Variants in POLRMT observed in about 807,000 individuals in gnomAD.
POLRMT encodes RNA polymerase mitochondrial, also known as DNA-directed RNA polymerase, mitochondrial.
In POLRMT, 114 loss-of-function variants were observed where a neutral mutation model predicts 132.2. The observed-to-expected ratio is 0.86, with a 90% confidence interval of 0.74 to 1.01. POLRMT has a LOEUF of 1.01. Among genes scored for constraint, POLRMT ranks in the 50% least tolerant of loss-of-function variants. POLRMT has a pLI of 0.00. For synonymous variants in POLRMT, 1,020 were observed against 773.4 expected, an observed-to-expected ratio of 1.32 and a Z score of -5.29; for missense variants, 2,003 against 1,729.1, an observed-to-expected ratio of 1.16 and a Z score of -2.81.
At chr19:633,062 G>C in intron 1 of POLRMT, 124 bp from the exon 2 acceptor site, 1 of 725,192 alleles carries the variant, frequency 1.4e-6, no homozygotes, top group Non-Finnish European at 2.1e-6. Flanking sequence ...TCGGAGCACG[G>C]GCTTAAGTTG....
At chr19:632,536 C>G (rs1859268) in intron 2 of POLRMT, among the ~76,000 whole-genome samples, 19,986 of 69,490 alleles carry the variant, frequency 0.29, 1,574 homozygotes, top group African/African-American at 0.44. Flanking sequence ...GCGGCGGGGC[C>G]GGGGGGGGGG....
At chr19:633,354 A>AG in intron 1 of POLRMT, 71 bp downstream of exon 1, 4 of 1,387,400 alleles carry the variant, frequency 2.9e-6, no homozygotes, top group Non-Finnish European at 3.8e-6. Context: ...AAAGCGCCAA[A>AG]GGCCCCGGCC....
Position 629,520 on chromosome 19 carries a change from C to T in POLRMT, c.822+20G>A, listed in dbSNP as rs755937790. 8.7e-6 allele frequency: 13 copies of T among 1,491,426 alleles called. No homozygotes were observed. The highest frequency in any genetic ancestry group is 4.2e-5 in the South Asian group (3 of 71,546). The allele number at this position is 1,491,426 out of a possible 1,614,324, so 92.4% of individuals were successfully genotyped here. On this transcript the variant is annotated intron_variant, in intron 3 of 20. Transcript: ENST00000588649. The stretch of plus-strand genomic sequence containing the variant: ...TCTCCAACGACCAGGGCAGGTGGCC[C>T]GGCTCCCGGCTGCACTCACCTGCCG...
At chr19:621,002 C>T (rs1317386652) in intron 10 of POLRMT, 56 bp downstream of exon 10, 6 of 817,878 alleles carry the variant, frequency 7.3e-6, no homozygotes, top group Admixed American at 1.2e-4. Context: ...GCGGGGGCGC[C>T]GGGGGAGGGC....
chr19:625,389 G>A, intron 3 of POLRMT, 135 bp from the exon 4 acceptor site: 2 of 1,138,722 alleles, frequency 1.8e-6, no homozygotes, highest in Non-Finnish European at 2.5e-6. Context: ...GGCCAGCTGG[G>A]CAGACCGATG....
Position 617,793 on chromosome 19 carries a change from A to G in POLRMT, c.3479T>C (p.Val1160Ala), listed in dbSNP as rs757206165. 9.9e-6 allele frequency: 16 copies of G among 1,613,208 alleles called. No homozygotes were observed. In the South Asian group the frequency reaches 1.8e-4, roughly 18 times the overall value. ...HDCYWTHAAD[V>A]SVMNQVCREQ... ...CGGGGGCACCTGGTTCATGACGGAG[A>G]CATCAGCTGCGTGAGTCCAGTAACA... The change falls in exon 18 of 21, where the codon GTC becomes GCC. Residue 1160 changes from valine to alanine, a missense_variant. Coordinates refer to ENST00000588649, the MANE Select transcript of POLRMT (RefSeq NM_005035.4).
rs764144041 is a variant in POLRMT at position 617,587 on chromosome 19, G to A, written c.3564C>T (p.Val1188=). The A allele has an allele frequency of 4.3e-6, 7 of 1,612,184 alleles. No homozygotes were observed. Among genetic ancestry groups the A allele is most frequent in the African/African-American group, 1.3e-5 (1 of 75,022 alleles). The change falls in exon 19 of 21, where the codon GTC becomes GTT. Residue 1188 remains valine (V), a synonymous_variant. Coordinates refer to ENST00000588649, the MANE Select transcript of POLRMT (RefSeq NM_005035.4). Reference sequence around the variant, plus strand: ...CGCCTTACTCAGAGCAGAACCGCTTGACCAGGAATCTGGACAGGTCCTGCA... The same window carrying A: ...CGCCTTACTCAGAGCAGAACCGCTTAACCAGGAATCTGGACAGGTCCTGCA... ...PILQDLSRFL[V]KRFCSEPQKI...
At chr19:629,172 C>T (rs1227768640) in intron 3 of POLRMT, among the ~76,000 whole-genome samples, 1 of 152,090 alleles carries the variant, frequency 6.6e-6, no homozygotes, top group Non-Finnish European at 1.5e-5. Context: ...AGCAGCCCGA[C>T]CTTCCACCTC....
chr19:631,024 TG>T (rs149947130), intron 2 of POLRMT, among the ~76,000 whole-genome samples: 2,377 of 151,882 alleles, frequency 0.016, 71 homozygotes, highest in African/African-American at 0.054. Flanking sequence ...CTGGGCGTGG[TG>T]GCATGTGTCT....
intron 2 of POLRMT, among the ~76,000 whole-genome samples, chr19:631,845 G>A (rs930682105): frequency 2.0e-5 from 3 of 152,068 alleles, no homozygotes; most frequent in South Asian, 2.1e-4. Flanking sequence ...GGGTTCAAGC[G>A]ATTCTCCTGT....
Position 623,013 on chromosome 19 carries a change from C to T in POLRMT, c.1291-28G>A, listed in dbSNP as rs1453220147. On this transcript the variant is annotated intron_variant, in intron 6 of 20. Coordinates refer to ENST00000588649, the MANE Select transcript of POLRMT (RefSeq NM_005035.4). Reference sequence around the variant, plus strand: ...GCGGGGGATGAACGGGCCCGGTGAGCCCCGTGGCAGCTGGTGGGACCCAGG... The same window carrying T: ...GCGGGGGATGAACGGGCCCGGTGAGTCCCGTGGCAGCTGGTGGGACCCAGG... 3.7e-6 allele frequency: 6 copies of T among 1,605,560 alleles called. No homozygotes were observed. In the South Asian group the frequency reaches 6.6e-5, roughly 18 times the overall value.
chr19:618,656 G>T, intron 16 of POLRMT, 49 bp downstream of exon 16: 1 of 1,602,054 alleles, frequency 6.2e-7, no homozygotes, highest in Non-Finnish European at 8.5e-7. Context: ...CTCCACCGTG[G>T]CTGCTCTCCA....
intron 3 of POLRMT, among the ~76,000 whole-genome samples, chr19:628,683 A>G (rs534244190): frequency 6.6e-6 from 1 of 152,064 alleles, no homozygotes; most frequent in South Asian, 2.1e-4. Context: ...TGTGTAAACA[A>G]CACCCTCCAA....
At chr19:626,774 CACTT>C (rs1985046826) in intron 3 of POLRMT, among the ~76,000 whole-genome samples, 1 of 150,270 alleles carries the variant, frequency 6.7e-6, no homozygotes, top group Non-Finnish European at 1.5e-5. Flanking sequence ...GCAGGAGAAT[CACTT>C]GAACGCAGAA....
rs778226622 is a variant in POLRMT, at chr19:618,592, G to C, written c.3324-6C>G. 2 of 1,609,578 alleles carry C rather than the reference G, an allele frequency of 1.2e-6. No individual in the cohort carries two copies. The highest frequency in any genetic ancestry group is 1.7e-6 in the Non-Finnish European group (2 of 1,176,510). On this transcript the variant is annotated splice_region_variant and splice_polypyrimidine_tract_variant and intron_variant, in intron 16 of 20. Coordinates refer to ENST00000588649, the MANE Select transcript of POLRMT (RefSeq NM_005035.4). Reference sequence around the variant, plus strand: ...GCTTACGTGTGTTGGGCTTTCTGAGGACGGAACAGGTGCCGGTGGGGGCGG... The same window carrying C: ...GCTTACGTGTGTTGGGCTTTCTGAGCACGGAACAGGTGCCGGTGGGGGCGG...
At position 621,196 on chromosome 19, in the gene POLRMT, G is replaced by A; in HGVS notation, c.2502C>T (p.Gly834=). 1 of 1,610,536 alleles carries A rather than the reference G, an allele frequency of 6.2e-7. No homozygotes were observed. ...TCTTGAGCCAATCCAGGCCGTGCGG[G>A]CCGAGCGGGCGGCCCTGGGCGAACT... ...LLEFAQGRPL[G]PHGLDWLKIH... is the part of the protein sequence containing the mutation. The change falls in exon 10 of 21, where the codon GGC becomes GGT. Residue 834 remains glycine (G), a synonymous_variant. Coordinates refer to ENST00000588649, the MANE Select transcript of POLRMT (RefSeq NM_005035.4).
intron 10 of POLRMT, 93 bp downstream of exon 10, chr19:620,964 AG>A (rs1389784827): frequency 4.5e-6 from 2 of 443,746 alleles, no homozygotes; most frequent in African/African-American, 8.3e-5. Context: ...GAAGACGGGC[AG>A]GGGGCGCGGG....
At position 623,707 on chromosome 19, in the gene POLRMT, G is replaced by C; in HGVS notation, c.1141-104C>G. The C allele has an allele frequency of 2.2e-6, 3 of 1,384,384 alleles. No homozygotes were observed. In the South Asian group the frequency reaches 3.8e-5, roughly 17 times the overall value. The allele number at this position is 1,384,384 out of a possible 1,614,324, so 85.8% of individuals were successfully genotyped here. On this transcript the variant is annotated intron_variant, in intron 5 of 20. Coordinates refer to ENST00000588649, the MANE Select transcript of POLRMT (RefSeq NM_005035.4). ...GCACGCGTTTCTGCGTCTCCTGCAA[G>C]TTGCTGGTGGCTATCGCTGACGCGG...
chr19:623,960 A>G (rs1015264623), intron 5 of POLRMT, among the ~76,000 whole-genome samples: 1 of 152,224 alleles, frequency 6.6e-6, no homozygotes, highest in Non-Finnish European at 1.5e-5. Context: ...CCAGAAATAG[A>G]TGAATTAAAA....
Sources: allele counts gnomAD v4.1 joint callset (sites outside exome capture counted in the v4.1 genomes callset), GRCh38; gene constraint gnomAD v4.1.1; transcripts MANE v1.5; gene names NCBI Gene and HGNC (gene_info 2026-07-23, HGNC 2026-07-21).